The following MAK variants were observed in gnomAD, a reference collection of about 807,000 sequenced individuals.
The protein encoded by MAK is male germ cell associated kinase, also known as serine/threonine-protein kinase MAK.
A neutral mutation model predicts 82.6 loss-of-function variants in MAK; 65 were observed. The observed-to-expected ratio is 0.79, with a 90% CI of 0.64 to 0.97. MAK has a LOEUF of 0.97. Ranked by LOEUF, MAK falls within the 50% of genes least tolerant of loss-of-function variation. MAK has a pLI of 0.00. For missense variants in MAK, 703 were observed against 780.2 expected (o/e 0.90, Z 1.18); for synonymous variants, 250 against 274.2 (o/e 0.91, Z 0.87).
intron 12 of MAK, 46 bp from the exon 13 acceptor site, chr6:10,773,154 G>A (rs1185430273): frequency 4.6e-6 from 5 of 1,081,138 alleles, no homozygotes; most frequent in Non-Finnish European, 1.3e-6. Flanking sequence ...TAAGGAGAAT[G>A]TTATAGGAAA....
At chr6:10,819,973 G>A (rs368829309) in intron 2 of MAK, among the ~76,000 whole-genome samples, 12 of 151,922 alleles carry the variant, frequency 7.9e-5, no homozygotes, top group East Asian at 2.0e-4. Context: ...TTAGCCAGGC[G>A]TGGTGGCGGG....
chr6:10,833,648 C>T (rs1004491740), intron 1 of MAK, among the ~76,000 whole-genome samples: 9 of 149,122 alleles, frequency 6.0e-5, no homozygotes, highest in South Asian at 4.2e-4. Flanking sequence ...ATAGGGAGTA[C>T]GTATTTAACA....
intron 2 of MAK, among the ~76,000 whole-genome samples, chr6:10,830,038 T>C (rs1358899649): frequency 6.6e-6 from 1 of 150,540 alleles, no homozygotes; most frequent in Non-Finnish European, 1.5e-5. Flanking sequence ...GGTTTCACCA[T>C]GTTGGCCAAG....
At chr6:10,773,208 AAG>A in intron 12 of MAK, 100 bp from the exon 13 acceptor site, 1 of 649,974 alleles carries the variant, frequency 1.5e-6, no homozygotes, top group Non-Finnish European at 2.4e-6. Context: ...AAGATCCAGA[AAG>A]AGCCCTTAAA....
At chr6:10,777,013 A>G (rs1039876191) in intron 11 of MAK, among the ~76,000 whole-genome samples, 1 of 151,416 alleles carries the variant, frequency 6.6e-6, no homozygotes, top group African/African-American at 2.4e-5. Flanking sequence ...GCACCACTGC[A>G]CTCTAGCCTG....
intron 7 of MAK, among the ~76,000 whole-genome samples, chr6:10,803,210 T>A (rs1326108859): frequency 6.6e-6 from 1 of 152,176 alleles, no homozygotes; most frequent in Admixed American, 6.5e-5. Context: ...GGATTCTGGC[T>A]TCTTGCAATC....
chr6:10,813,126 ATATATATAAATT>A (rs1777152352), intron 5 of MAK, among the ~76,000 whole-genome samples: 8 of 676 alleles, frequency 0.012, no homozygotes, highest in South Asian at 0.12. Flanking sequence ...ATATATATAT[ATATATATAAATT>A]TTTTTTTTTT....
chr6:10,790,762 C>T (rs1281866077), intron 10 of MAK, among the ~76,000 whole-genome samples: 1 of 152,190 alleles, frequency 6.6e-6, no homozygotes, highest in Non-Finnish European at 1.5e-5. Flanking sequence ...GGACATCTGT[C>T]CTCTCTAAAT....
chr6:10,803,745 C>G lies in MAK; in HGVS notation c.638G>C (p.Cys213Ser). ...TSEVDEIFKI[C>S]QVLGTPKKSD... is the part of the protein sequence containing the mutation. ...TTTTTTGGGAGTCCCTAAAACTTGG[C>G]AAATTTTAAAGATTTCATCGACCTC... The change falls in exon 7 of 15, where the codon TGC (cysteine) becomes TCC (serine). Residue 213 changes from cysteine (C) to serine (S), a missense_variant. Cys to Ser is a moderately radical substitution (Grantham distance 112). Transcript: ENST00000354489. 6.2e-7 allele frequency: 1 copy of G among 1,613,850 alleles called. No individual in the cohort carries two copies. Among genetic ancestry groups the G allele is most frequent in the Non-Finnish European group, 8.5e-7 (1 of 1,179,974 alleles).
intron 8 of MAK, chr6:10,798,012 A>G: frequency 9.8e-7 from 1 of 1,022,876 alleles, no homozygotes; most frequent in Non-Finnish European, 1.2e-6. Context: ...ACATTAAGTA[A>G]TTAGTATGTC....
intron 5 of MAK, among the ~76,000 whole-genome samples, chr6:10,810,950 G>A (rs1481570438): frequency 2.0e-5 from 3 of 152,090 alleles, no homozygotes; most frequent in Non-Finnish European, 1.5e-5. Flanking sequence ...TAATAATTCA[G>A]TCCTATTTGA....
intron 5 of MAK, among the ~76,000 whole-genome samples, chr6:10,809,770 T>C (rs1776773391): frequency 6.6e-6 from 1 of 152,152 alleles, no homozygotes. Context: ...TAAATGGTTA[T>C]GAAGCTAAAA....
At chr6:10,816,476 T>C (rs6927112) in intron 4 of MAK, among the ~76,000 whole-genome samples, 24,457 of 152,150 alleles carry the variant, frequency 0.16, 1,912 homozygotes, top group Middle Eastern at 0.2. Flanking sequence ...CATGTAAGTA[T>C]ATATCATTTC....
chr6:10,799,825 A>C (rs1024842439), intron 8 of MAK, among the ~76,000 whole-genome samples: 1 of 152,054 alleles, frequency 6.6e-6, no homozygotes, highest in African/African-American at 2.4e-5. Flanking sequence ...AGGTGGGTGG[A>C]TCACCTAAGG....
intron 11 of MAK, chr6:10,779,316 T>C: frequency 3.0e-6 from 3 of 983,778 alleles, no homozygotes; most frequent in Non-Finnish European, 3.6e-6. Context: ...TTAAAGTACC[T>C]AAGGCTTACA....
At chr6:10,765,555 G>C (rs1388899557) in intron 14 of MAK, among the ~76,000 whole-genome samples, 1 of 150,826 alleles carries the variant, frequency 6.6e-6, no homozygotes, top group African/African-American at 2.5e-5. Flanking sequence ...CACCTCCCGG[G>C]TTCAAGTGAT....
chr6:10,824,452 G>T (rs1328130328), intron 2 of MAK, among the ~76,000 whole-genome samples: 3 of 151,998 alleles, frequency 2.0e-5, no homozygotes, highest in Admixed American at 1.3e-4. Flanking sequence ...TCCTCATCCA[G>T]CTTGGCCCCA....
chr6:10,780,292 G>A (rs1258638869), intron 11 of MAK: 26 of 975,998 alleles, frequency 2.7e-5, no homozygotes, highest in Non-Finnish European at 1.2e-6. Context: ...GATCAAACAG[G>A]TCTCAGAAAA....
At chr6:10,835,982 G>C (rs9467673) in intron 1 of MAK, among the ~76,000 whole-genome samples, 1 of 152,142 alleles carries the variant, frequency 6.6e-6, no homozygotes, top group Non-Finnish European at 1.5e-5. Context: ...GATGACTTTC[G>C]ACCCAAGCCT....
Sources: allele counts gnomAD v4.1 joint callset (sites outside exome capture counted in the v4.1 genomes callset), GRCh38; gene constraint gnomAD v4.1.1; transcripts MANE v1.5; gene names NCBI Gene and HGNC (gene_info 2026-07-23, HGNC 2026-07-21).